CLPSL1: variants seen among roughly 807,000 people sequenced by gnomAD.
The protein encoded by CLPSL1 is colipase-like protein 1.
A neutral mutation model predicts 9.3 loss-of-function variants in CLPSL1; 13 were observed. The ratio of observed to expected loss-of-function variants is 1.40; its 90% confidence interval spans 0.91 to 2.22. The LOEUF (loss-of-function observed/expected upper bound fraction) is 2.22. Among genes scored for constraint, CLPSL1 ranks in the 30% most tolerant of loss-of-function variants. The pLI is 0.00. For missense variants in CLPSL1, 164 were observed against 146.6 expected (o/e 1.12, Z -0.61); for synonymous variants, 58 against 56.9 (o/e 1.02, Z -0.08).
In CLPSL1 at chr6:35,788,071, T is replaced by A. The variant is rs754667406; in HGVS notation, c.*61T>A. 2 of 1,327,112 alleles carry A rather than the reference T, an allele frequency of 1.5e-6. No homozygotes were observed. Among genetic ancestry groups the A allele is most frequent in the South Asian group, 2.4e-5 (2 of 84,356 alleles). The allele number at this position is 1,327,112 out of a possible 1,614,324, so 82.2% of individuals were successfully genotyped here. Reference sequence around the variant, plus strand: ...CTGCTCTCCTCCCTACCCAGAGCTCTGTGTTCACCCTGTTCCCCAGAGCCT... The same window carrying A: ...CTGCTCTCCTCCCTACCCAGAGCTCAGTGTTCACCCTGTTCCCCAGAGCCT... On this transcript the variant is annotated 3_prime_UTR_variant, in exon 3 of 3. Coordinates refer to ENST00000373861, the MANE Select transcript of CLPSL1 (RefSeq NM_001010886.5).
At chr6:35,788,370 AC>A (rs150606828), downstream of CLPSL1, among the ~76,000 whole-genome samples, 226 of 152,034 alleles carry the variant, frequency 1.5e-3, no homozygotes, top group South Asian at 8.9e-3. Flanking sequence ...TCTGTAATCT[AC>A]CCCCCGGAAG....
At chr6:35,788,244 G>A, downstream of CLPSL1, 1 of 522,426 alleles carries the variant, frequency 1.9e-6, no homozygotes, top group Non-Finnish European at 3.5e-6. Context: ...GAGGGAGGAA[G>A]CAGGAAGGGA....
chr6:35,787,653 T>C (rs1312329007), intron 2 of CLPSL1, among the ~76,000 whole-genome samples: 1 of 152,252 alleles, frequency 6.6e-6, no homozygotes, highest in Admixed American at 6.5e-5. Context: ...CAGGCAGGGT[T>C]ACAAGGTCTG....
intron 1 of CLPSL1, among the ~76,000 whole-genome samples, chr6:35,782,241 G>A (rs1446753203): frequency 6.6e-6 from 1 of 152,122 alleles, no homozygotes; most frequent in Non-Finnish European, 1.5e-5. Flanking sequence ...GCATATTCAA[G>A]GAATAGCAAA....
downstream of CLPSL1, chr6:35,793,697 T>C (rs1489842776): frequency 4.6e-6 from 2 of 430,294 alleles, no homozygotes; most frequent in Non-Finnish European, 9.6e-6. Flanking sequence ...TTTCTGCTAC[T>C]CACAGTTGAA....
At position 35,786,107 on chromosome 6, in the gene CLPSL1, A is replaced by C. The variant is rs143829709; in HGVS notation, c.100-891A>C. ...TGGCGAAACCCCGTCTCTACTAAAA[A>C]TACAAAAATTAGCCAGGCATGGTGG... On this transcript the variant is annotated intron_variant, in intron 1 of 2. Transcript: ENST00000373861. 7.9e-3 allele frequency among the ~76,000 whole-genome samples: 1,207 copies of C among 152,300 alleles called. 11 individuals are homozygous for C. The highest frequency in any genetic ancestry group is 0.027 in the African/African-American group (1,120 of 41,554).
intron 1 of CLPSL1, among the ~76,000 whole-genome samples, chr6:35,781,433 G>A (rs1384073603): frequency 2.6e-5 from 4 of 152,156 alleles, no homozygotes; most frequent in Admixed American, 2.6e-4. Context: ...GAATGTGAGA[G>A]AGCCCCCCTG....
chr6:35,785,946 CAAAAAA>C (rs35079833), intron 1 of CLPSL1, among the ~76,000 whole-genome samples: 66 of 110,750 alleles, frequency 6.0e-4, no homozygotes, highest in African/African-American at 1.8e-3. Flanking sequence ...GAGACTTTGT[CAAAAAA>C]AAAAAAAAAA....
intron 1 of CLPSL1, among the ~76,000 whole-genome samples, chr6:35,785,292 C>T (rs1768046998): frequency 6.6e-6 from 1 of 151,516 alleles, no homozygotes; most frequent in Non-Finnish European, 1.5e-5. Flanking sequence ...ATTCTCCTGC[C>T]TCAGCCTCCC....
rs769771383 is a variant in CLPSL1 at position 35,787,933 on chromosome 6, G to C, written c.289G>C (p.Glu97Gln). ...CCTGACTTGTATATATTCAAAGAAT[G>C]AGAAATGGCTTAGCATCGCCTATGG... ...RNLTCIYSKN[E>Q]KWLSIAYGRC... Residue 97 changes from glutamate to glutamine, a missense_variant, in exon 3 of 3, where the codon GAG becomes CAG. Transcript: ENST00000373861. 2.2e-5 allele frequency: 36 copies of C among 1,612,272 alleles called. No individual in the cohort carries two copies. Among genetic ancestry groups the C allele is most frequent in the Non-Finnish European group, 3.1e-5 (36 of 1,178,296 alleles).
At chr6:35,787,240 T>A (rs1041348669) in intron 2 of CLPSL1, 120 bp downstream of exon 2, 2 of 1,234,020 alleles carry the variant, frequency 1.6e-6, no homozygotes, top group Admixed American at 4.2e-5. Flanking sequence ...GAGCCTGGAA[T>A]TCCCCCGTGG....
chr6:35,789,961 CTG>C (rs1424323662), downstream of CLPSL1, among the ~76,000 whole-genome samples: 1 of 152,254 alleles, frequency 6.6e-6, no homozygotes, highest in Non-Finnish European at 1.5e-5. Flanking sequence ...GGGTCTCACT[CTG>C]TCACCCAGGC....
chr6:35,785,428 C>G (rs2817069), intron 1 of CLPSL1, among the ~76,000 whole-genome samples: 82,752 of 151,050 alleles, frequency 0.55, 22,850 homozygotes, highest in Middle Eastern at 0.62. Context: ...CTGCCCGCCT[C>G]GGCCTCCCAA....
At chr6:35,790,936 T>C (rs1768173393), downstream of CLPSL1, among the ~76,000 whole-genome samples, 1 of 151,524 alleles carries the variant, frequency 6.6e-6, no homozygotes, top group Non-Finnish European at 1.5e-5. Flanking sequence ...CCTAGCTACT[T>C]AGGAGGCTGA....
chr6:35,783,530 G>A (rs891950400), intron 1 of CLPSL1, among the ~76,000 whole-genome samples: 9 of 151,844 alleles, frequency 5.9e-5, no homozygotes, highest in African/African-American at 2.2e-4. Flanking sequence ...AGGGGGGCTG[G>A]GCGCGGTGGC....
chr6:35,786,694 G>C (rs1035731755), intron 1 of CLPSL1, among the ~76,000 whole-genome samples: 1 of 152,218 alleles, frequency 6.6e-6, no homozygotes. Flanking sequence ...AGAAGGCTCT[G>C]CAGCAGAATG....
chr6:35,790,174 A>G (rs1268555319), downstream of CLPSL1, among the ~76,000 whole-genome samples: 2 of 152,238 alleles, frequency 1.3e-5, no homozygotes, highest in East Asian at 1.9e-4. Flanking sequence ...GGCCTCAAGC[A>G]ATCCTGCCTC....
chr6:35,793,309 C>G (rs765296053), intron 1 of CLPSL1, among the ~76,000 whole-genome samples: 12 of 152,110 alleles, frequency 7.9e-5, no homozygotes, highest in Non-Finnish European at 1.8e-4. Flanking sequence ...CCTGTAGTCC[C>G]AGCTACTTGG....
At chr6:35,782,722 T>C (rs1767988517) in intron 1 of CLPSL1, among the ~76,000 whole-genome samples, 1 of 152,012 alleles carries the variant, frequency 6.6e-6, no homozygotes, top group Admixed American at 6.6e-5. Flanking sequence ...GTGGGAATTA[T>C]CTTTTAAAAA....
Sources: allele counts gnomAD v4.1 joint callset (sites outside exome capture counted in the v4.1 genomes callset), GRCh38; gene constraint gnomAD v4.1.1; transcripts MANE v1.5; gene names NCBI Gene and HGNC (gene_info 2026-07-23, HGNC 2026-07-21).